CTNNA3: variants seen among roughly 807,000 people sequenced by gnomAD.
CTNNA3 encodes catenin alpha-3.
CTNNA3 carries 76 observed loss-of-function variants against 95.7 expected under a neutral mutation model. That is an observed-to-expected ratio of 0.79 (90% confidence interval 0.66 to 0.96). CTNNA3 has a LOEUF of 0.96. CTNNA3 is among the 40% of genes least tolerant of loss of function. The pLI, the probability that CTNNA3 is intolerant of heterozygous loss-of-function variation, is 0.00. For missense variants in CTNNA3, 1,191 were observed against 1,089.8 expected (o/e 1.09, Z -1.31); for synonymous variants, 431 against 374.4 (o/e 1.15, Z -1.74).
At chr10:67,190,709 A>T (rs997004498) in intron 6 of CTNNA3, among the ~76,000 whole-genome samples, 2 of 152,038 alleles carry the variant, frequency 1.3e-5, no homozygotes, top group African/African-American at 4.8e-5. Context: ...CAAGAATTTC[A>T]ATTTTATTAT....
intron 1 of CTNNA3, among the ~76,000 whole-genome samples, chr10:67,702,362 C>G (rs1841046473): frequency 6.6e-6 from 1 of 152,104 alleles, no homozygotes; most frequent in Admixed American, 6.5e-5. Context: ...CAAAAATTGA[C>G]CACATAGTTG....
intron 13 of CTNNA3, among the ~76,000 whole-genome samples, chr10:66,230,852 G>T (rs1440169576): frequency 6.6e-6 from 1 of 152,142 alleles, no homozygotes; most frequent in Non-Finnish European, 1.5e-5. Flanking sequence ...ATAGAGCTCT[G>T]CCTGGGCTCT....
At chr10:66,753,788 T>C (rs1839261000) in intron 9 of CTNNA3, among the ~76,000 whole-genome samples, 1 of 151,164 alleles carries the variant, frequency 6.6e-6, no homozygotes, top group Non-Finnish European at 1.5e-5. Context: ...TAGCATCAAA[T>C]AGAATAAAAT....
chr10:67,075,688 A>G (rs2131862410), intron 7 of CTNNA3, among the ~76,000 whole-genome samples: 1 of 152,342 alleles, frequency 6.6e-6, no homozygotes, highest in Admixed American at 6.5e-5. Flanking sequence ...AGTGCCCACT[A>G]CTATTAATTG....
At chr10:66,434,557 G>C (rs2093323334) in intron 11 of CTNNA3, among the ~76,000 whole-genome samples, 1 of 152,120 alleles carries the variant, frequency 6.6e-6, no homozygotes, top group Non-Finnish European at 1.5e-5. Context: ...TGAGATGACA[G>C]GGTTTTCTAG....
At chr10:66,744,405 A>G (rs1447769720) in intron 9 of CTNNA3, among the ~76,000 whole-genome samples, 2 of 152,162 alleles carry the variant, frequency 1.3e-5, no homozygotes, top group Non-Finnish European at 2.9e-5. Flanking sequence ...CACCTTATAG[A>G]TCATCAACTT....
At chr10:67,038,792 A>G (rs771402039) in intron 7 of CTNNA3, among the ~76,000 whole-genome samples, 2 of 152,080 alleles carry the variant, frequency 1.3e-5, no homozygotes, top group African/African-American at 4.8e-5. Context: ...CTCTCTTTAT[A>G]TTGTCTGATA....
chr10:66,444,694 C>T (rs111629532), intron 11 of CTNNA3, among the ~76,000 whole-genome samples: 2 of 152,254 alleles, frequency 1.3e-5, no homozygotes, highest in African/African-American at 4.8e-5. Context: ...TGGAAAGCAA[C>T]AACCGGTACC....
chr10:67,070,859 C>T (rs1303244328), intron 7 of CTNNA3, among the ~76,000 whole-genome samples: 2 of 152,068 alleles, frequency 1.3e-5, no homozygotes, highest in African/African-American at 2.4e-5. Context: ...TTACTATATT[C>T]TTTTTTTCTC....
intron 15 of CTNNA3, among the ~76,000 whole-genome samples, chr10:66,067,195 A>T (rs2080331084): frequency 6.6e-6 from 1 of 152,154 alleles, no homozygotes. Context: ...ACATAAAAAT[A>T]TTATTCTAAA....
At chr10:66,292,919 G>C (rs2091709226) in intron 12 of CTNNA3, among the ~76,000 whole-genome samples, 1 of 152,096 alleles carries the variant, frequency 6.6e-6, no homozygotes. Flanking sequence ...AAGATGCCTA[G>C]AGATGCCTAG....
intron 1 of CTNNA3, among the ~76,000 whole-genome samples, chr10:67,679,537 C>T (rs775845698): frequency 2.5e-4 from 38 of 152,282 alleles, no homozygotes; most frequent in Middle Eastern, 3.4e-3. Flanking sequence ...AAACCAAATT[C>T]TATCTTGGTC....
chr10:67,725,898 T>A (rs1265655340), intron 1 of CTNNA3, among the ~76,000 whole-genome samples: 1 of 139,746 alleles, frequency 7.2e-6, no homozygotes, highest in Non-Finnish European at 1.5e-5. Flanking sequence ...ATATATAATA[T>A]ATATAATTAT....
intron 7 of CTNNA3, among the ~76,000 whole-genome samples, chr10:67,088,385 T>C (rs2131899964): frequency 6.6e-6 from 1 of 152,032 alleles, no homozygotes; most frequent in South Asian, 2.1e-4. Context: ...CAATCCATAT[T>C]TATTTTTTCT....
chr10:66,693,251 A>G (rs1323428019), intron 9 of CTNNA3, among the ~76,000 whole-genome samples: 5 of 151,932 alleles, frequency 3.3e-5, no homozygotes, highest in African/African-American at 1.2e-4. Context: ...GCTCAAAATA[A>G]AAGGATGGAG....
intron 7 of CTNNA3, among the ~76,000 whole-genome samples, chr10:66,884,086 G>A (rs2132474436): frequency 6.6e-6 from 1 of 152,126 alleles, no homozygotes; most frequent in African/African-American, 2.4e-5. Flanking sequence ...GAGAGGGGGA[G>A]GTGCCAGGCT....
At chr10:66,589,577 T>C (rs552362716) in intron 10 of CTNNA3, among the ~76,000 whole-genome samples, 13 of 152,268 alleles carry the variant, frequency 8.5e-5, no homozygotes, top group African/African-American at 3.1e-4. Context: ...CCAGTGCACA[T>C]ATTTGACTGG....
Position 66,621,786 on chromosome 10 carries a change from T to C in CTNNA3, c.1282-2A>G. 6.3e-7 allele frequency: 1 copy of C among 1,583,954 alleles called. No homozygotes were observed. The highest frequency in any genetic ancestry group is 1.8e-5 in the Admixed American group (1 of 56,962). On this transcript the variant is annotated splice_acceptor_variant, in intron 9 of 17. Coordinates refer to ENST00000433211, the MANE Select transcript of CTNNA3 (RefSeq NM_013266.4). LOFTEE classifies it high-confidence loss of function. ...CATGGAACAAGCAAGATTTGCCACC[T>C]TAAATACAATCCAAAATAATGGAAA...
intron 9 of CTNNA3, among the ~76,000 whole-genome samples, chr10:66,761,998 A>C (rs1696195670): frequency 6.6e-6 from 1 of 152,212 alleles, no homozygotes; most frequent in African/African-American, 2.4e-5. Context: ...AAAAGAAATT[A>C]AAATTAATTG....
Sources: gnomAD v4.1 joint callset for allele counts (sites outside exome capture counted in the v4.1 genomes callset) on GRCh38, gnomAD v4.1.1 for gene constraint, MANE v1.5 for transcripts, NCBI Gene and HGNC (gene_info 2026-07-23, HGNC 2026-07-21) for gene names.